The following OR2A7 variants were observed in gnomAD, a reference collection of about 807,000 sequenced individuals.
OR2A7 encodes olfactory receptor family 2 subfamily A member 7, also known as olfactory receptor 2A7.
For missense variants in OR2A7, 35 were observed against 359.2 expected (o/e 0.10, Z 7.30); for synonymous variants, 10 against 147.1 (o/e 0.07, Z 6.74).
chr7:144,259,605 G>C lies in OR2A7; in HGVS notation c.24C>G (p.Ile8Met), dbSNP rs1375155498. The C allele has an allele frequency of 1.9e-6, 3 of 1,612,926 alleles. No homozygotes were observed. The highest frequency in any genetic ancestry group is 2.5e-6 in the Non-Finnish European group (3 of 1,179,860). Residue 8 changes from isoleucine to methionine, a missense_variant, in exon 2 of 2, where the codon ATC (isoleucine) becomes ATG (methionine). By Grantham distance (10) the Ile-to-Met change is conservative (BLOSUM62 1). Transcript: ENST00000641841. ...GAAATCCCAGTAGGAGGAACTCTGT[G>C]ATGGATGTTATATTGTCCCCCATAT... is the stretch of plus-strand genomic sequence containing the variant. Reference protein sequence around the residue: MGDNITSITEFLLLGFPV... With the variant: MGDNITSMTEFLLLGFPV...
rs2052580919 is a variant in OR2A7, at chr7:144,257,930, A to G, written c.*766T>C. 1.5e-5 allele frequency: 2 copies of G among 137,472 alleles called. No individual in the cohort carries two copies. The highest frequency in any genetic ancestry group is 1.5e-4 in the Admixed American group (2 of 13,172). 8.5% of individuals were successfully genotyped at this position (137,472 alleles called of 1,614,324 possible). A position where few individuals can be genotyped will look rare whatever the true frequency, so the allele number is the denominator to read the frequency against. On this transcript the variant is annotated 3_prime_UTR_variant, in exon 2 of 2. Coordinates refer to ENST00000641841, the MANE Select transcript of OR2A7 (RefSeq NM_001005328.2). ...GGAATGCCGATCCATGATGAAGGAC[A>G]GGATTGCATTTATTTTCTTTAGATG... is the stretch of plus-strand genomic sequence containing the variant.
chr7:144,260,376 C>T (rs1378785660), intron 1 of OR2A7, among the ~76,000 whole-genome samples: 2 of 151,236 alleles, frequency 1.3e-5, no homozygotes, highest in South Asian at 2.1e-4. Context: ...TTTCCTTGGT[C>T]GTATTATTCA....
intron 1 of OR2A7, among the ~76,000 whole-genome samples, chr7:144,261,159 ATT>A (rs2052640862): frequency 6.6e-6 from 1 of 150,594 alleles, no homozygotes; most frequent in Non-Finnish European, 1.5e-5. Context: ...AAATAAAATA[ATT>A]TAGTTATTTA....
rs773616883 is a variant in OR2A7 at position 144,259,565 on chromosome 7, T to G, written c.64A>C (p.Ile22Leu). The change falls in exon 2 of 2, where the codon ATT (isoleucine) becomes CTT (leucine). Residue 22 changes from isoleucine to leucine, a missense_variant. Coordinates refer to ENST00000641841, the MANE Select transcript of OR2A7 (RefSeq NM_001005328.2). ...AAGAGCCCAAAGAGGAGCATCTGAA[T>G]CCTTGGGCCAACGGGAAATCCCAGT... ...LLLGFPVGPR[I>L]QMLLFGLFSL... is the part of the protein sequence containing the mutation. 6.2e-7 allele frequency: 1 copy of G among 1,612,544 alleles called. No homozygotes were observed. The highest frequency in any genetic ancestry group is 8.5e-7 in the Non-Finnish European group (1 of 1,179,726).
chr7:144,260,758 A>C (rs2052635263), intron 1 of OR2A7, among the ~76,000 whole-genome samples: 1 of 151,760 alleles, frequency 6.6e-6, no homozygotes, highest in African/African-American at 2.4e-5. Context: ...CAGGATCAGT[A>C]ACTTTTGTTG....
At chr7:144,260,742 C>G (rs1302136269) in intron 1 of OR2A7, among the ~76,000 whole-genome samples, 1 of 151,800 alleles carries the variant, frequency 6.6e-6, no homozygotes, top group Non-Finnish European at 1.5e-5. Context: ...TATCTAAACA[C>G]GAAAACAGGA....
intron 1 of OR2A7, among the ~76,000 whole-genome samples, chr7:144,262,421 G>C (rs1392573303): frequency 7.6e-6 from 1 of 130,852 alleles, no homozygotes; most frequent in African/African-American, 3.0e-5. Flanking sequence ...CCATGTCTAG[G>C]TTTGTTTGGC....
chr7:144,259,264 T>G lies in OR2A7; in HGVS notation c.365A>C (p.Tyr122Ser). The G allele has an allele frequency of 1.1e-6, 1 of 871,978 alleles. No individual in the cohort carries two copies. The highest frequency in any genetic ancestry group is 1.7e-6 in the Non-Finnish European group (1 of 582,188). The allele number at this position is 871,978 out of a possible 1,614,324, so 54.0% of individuals were successfully genotyped here. A position where few individuals can be genotyped will look rare whatever the true frequency, so the allele number is the denominator to read the frequency against. The change falls in exon 2 of 2, where the codon TAC (tyrosine) becomes TCC (serine). Residue 122 changes from tyrosine (Y) to serine (S), a missense_variant. Tyr to Ser is a moderately radical substitution (Grantham distance 144). Coordinates refer to ENST00000641841, the MANE Select transcript of OR2A7 (RefSeq NM_001005328.2). ...TCGGAGGGGGTGGCAGATGGCCACG[T>G]ACAGATCATAGGACATCACCACCAG... ...LLLVVMSYDL[Y>S]VAICHPLRYL...
At chr7:144,264,012 A>G (rs1158636488) in intron 1 of OR2A7, among the ~76,000 whole-genome samples, 1 of 144,302 alleles carries the variant, frequency 6.9e-6, no homozygotes, top group Non-Finnish European at 1.5e-5. Context: ...GCTATGTCCT[A>G]CATAACACTT....
At chr7:144,262,029 G>T (rs2128826449) in intron 1 of OR2A7, among the ~76,000 whole-genome samples, 1 of 151,816 alleles carries the variant, frequency 6.6e-6, no homozygotes, top group South Asian at 2.1e-4. Flanking sequence ...AAGGGAAGGT[G>T]TTATTAAGTC....
chr7:144,260,035 G>T (rs1337936414), intron 1 of OR2A7, among the ~76,000 whole-genome samples: 2 of 124,698 alleles, frequency 1.6e-5, no homozygotes, highest in Non-Finnish European at 3.4e-5. Context: ...CTTGATCCCA[G>T]GAGGCGGAGC....
At chr7:144,261,998 G>T (rs2052653471) in intron 1 of OR2A7, among the ~76,000 whole-genome samples, 1 of 151,844 alleles carries the variant, frequency 6.6e-6, no homozygotes, top group Admixed American at 6.6e-5. Flanking sequence ...GAAGGATCTT[G>T]CTTCTTCAAG....
chr7:144,261,750 A>G (rs3765540), intron 1 of OR2A7, among the ~76,000 whole-genome samples: 26,952 of 137,514 alleles, frequency 0.2, 161 homozygotes, highest in African/African-American at 0.27. Flanking sequence ...TTAAGAGAGT[A>G]GAAATGTACT....
intron 1 of OR2A7, among the ~76,000 whole-genome samples, chr7:144,260,103 T>C (rs1238486526): frequency 1.1e-5 from 1 of 91,736 alleles, no homozygotes; most frequent in East Asian, 3.0e-4. Flanking sequence ...AGCCAGACTC[T>C]GTCTCCAGAA....
chr7:144,259,533 C>A lies in OR2A7; in HGVS notation c.96G>T (p.Leu32=), dbSNP rs1196127013. 1 of 1,606,652 alleles carries A rather than the reference C, an allele frequency of 6.2e-7. No individual in the cohort carries two copies. The highest frequency in any genetic ancestry group is 2.2e-5 in the East Asian group (1 of 44,852). The change falls in exon 2 of 2, where the codon CTG becomes CTT. Residue 32 remains leucine (L), a synonymous_variant. Coordinates refer to ENST00000641841, the MANE Select transcript of OR2A7 (RefSeq NM_001005328.2). ...IQMLLFGLFS[L]FYVFTLLGNG... Reference sequence around the variant, plus strand: ...TCCCCAGCAGGGTGAAGACGTAGAACAGGGAGAAGAGCCCAAAGAGGAGCA... The same window carrying A: ...TCCCCAGCAGGGTGAAGACGTAGAAAAGGGAGAAGAGCCCAAAGAGGAGCA...
rs199831033 is a variant in OR2A7 at position 144,258,648 on chromosome 7, A to G, written c.*48T>C. The G allele has an allele frequency of 0.22, 232,961 of 1,059,844 alleles. 1,716 individuals are homozygous for G. Among genetic ancestry groups the G allele is most frequent in the Admixed American group, 0.34 (14,708 of 42,882 alleles). The allele number at this position is 1,059,844 out of a possible 1,614,324, so 65.7% of individuals were successfully genotyped here. ...GCAGAGATGGGTTAAGAACCGCTCAATGATGTAACTTCCTAGGTCACTGTC... is the reference window on the plus strand; with the variant it reads ...GCAGAGATGGGTTAAGAACCGCTCAGTGATGTAACTTCCTAGGTCACTGTC... On this transcript the variant is annotated 3_prime_UTR_variant, in exon 2 of 2. Transcript: ENST00000641841.
chr7:144,259,663 T>C, intron 1 of OR2A7, 31 bp from the exon 2 acceptor site: 1 of 1,582,970 alleles, frequency 6.3e-7, no homozygotes, highest in East Asian at 2.2e-5. Context: ...TTAATGCTCA[T>C]GGTTTAGGAG....
At chr7:144,264,324 A>T (rs1326493969) in intron 1 of OR2A7, among the ~76,000 whole-genome samples, 6 of 150,828 alleles carry the variant, frequency 4.0e-5, no homozygotes, top group African/African-American at 1.5e-4. Context: ...CAGTGGTGCA[A>T]TCTCAGTTCA....
At chr7:144,264,254 ATTATT>A (rs911151461) in intron 1 of OR2A7, among the ~76,000 whole-genome samples, 5 of 151,820 alleles carry the variant, frequency 3.3e-5, no homozygotes, top group African/African-American at 7.3e-5. Context: ...ACTTTTTGTC[ATTATT>A]TTATTTTATT....
Sources: allele counts gnomAD v4.1 joint callset (sites outside exome capture counted in the v4.1 genomes callset), GRCh38; gene constraint gnomAD v4.1.1; transcripts MANE v1.5; gene names NCBI Gene and HGNC (gene_info 2026-07-23, HGNC 2026-07-21).